LSAMP: variants seen among roughly 807,000 people sequenced by gnomAD.
LSAMP encodes limbic system-associated membrane protein.
In LSAMP, 7 loss-of-function variants were observed where a neutral mutation model predicts 38.6. The ratio of observed to expected loss-of-function variants is 0.18; its 90% CI spans 0.10 to 0.34. The LOEUF (loss-of-function observed/expected upper bound fraction) is 0.34, where lower values mean the gene tolerates loss of function less well. Among genes scored for constraint, LSAMP ranks in the 10% least tolerant of loss-of-function variants. LSAMP has a pLI of 1.00. For missense variants in LSAMP, 313 were observed against 420.0 expected (o/e 0.75, Z 2.23); for synonymous variants, 154 against 166.8 (o/e 0.92, Z 0.59).
intron 1 of LSAMP, among the ~76,000 whole-genome samples, chr3:116,397,641 G>A (rs58392287): frequency 2.0e-5 from 3 of 152,026 alleles, no homozygotes; most frequent in Non-Finnish European, 4.4e-5. Context: ...TTATTTCAAC[G>A]AATGCACAAA....
chr3:115,930,708 C>A lies in LSAMP; in HGVS notation c.515-78091G>T, dbSNP rs1320646071. On this transcript the variant is annotated intron_variant, in intron 3 of 6. Coordinates refer to ENST00000490035, the MANE Select transcript of LSAMP (RefSeq NM_002338.5). ...AACGACTTTAAAGTGCAGTAAAGCA[C>A]TTCGTTAGTGGTCAAATGCTAACCT... Among the ~76,000 whole-genome samples, 3 of 152,260 alleles carry A rather than the reference C, an allele frequency of 2.0e-5. No individual in the cohort carries two copies. The South Asian group carries it at 6.2e-4, about 32-fold the overall frequency.
chr3:116,306,849 T>A (rs539573717), intron 1 of LSAMP, among the ~76,000 whole-genome samples: 3 of 152,134 alleles, frequency 2.0e-5, no homozygotes, highest in Admixed American at 6.6e-5. Flanking sequence ...TCAGCAGGCA[T>A]GTCTCTAAAT....
intron 1 of LSAMP, among the ~76,000 whole-genome samples, chr3:116,194,355 A>C (rs7638493): frequency 6.6e-6 from 1 of 152,014 alleles, no homozygotes; most frequent in African/African-American, 2.4e-5. Context: ...ATCAAACTGC[A>C]GTACTGATGT....
chr3:116,103,832 G>C (rs1291637662), intron 1 of LSAMP, among the ~76,000 whole-genome samples: 2 of 151,992 alleles, frequency 1.3e-5, no homozygotes, highest in Non-Finnish European at 2.9e-5. Flanking sequence ...AATGATTTGA[G>C]TGCACAAAAA....
intron 1 of LSAMP, among the ~76,000 whole-genome samples, chr3:116,303,765 C>T (rs908556908): frequency 2.0e-5 from 3 of 152,246 alleles, no homozygotes; most frequent in Admixed American, 1.3e-4. Flanking sequence ...CGGGCATACT[C>T]GGAGCACAAC....
At chr3:116,299,811 C>T (rs1018245873) in intron 1 of LSAMP, among the ~76,000 whole-genome samples, 3 of 152,136 alleles carry the variant, frequency 2.0e-5, no homozygotes, top group African/African-American at 7.2e-5. Flanking sequence ...TGTGGAAAGG[C>T]TCAGAAAAAC....
chr3:115,826,385 C>G (rs1816674), intron 6 of LSAMP, among the ~76,000 whole-genome samples: 12,910 of 152,144 alleles, frequency 0.085, 668 homozygotes, highest in African/African-American at 0.14. Context: ...GGATTACAGG[C>G]ATGAGCCACC....
rs1315999497 is a variant in LSAMP at position 115,814,959 on chromosome 3, C to CT, written c.920-4546dup. On this transcript the variant is annotated intron_variant, in intron 6 of 6. Transcript: ENST00000490035. Reference sequence around the variant, plus strand: ...TTAGAAGGAAGCCTGATAAAATTGACTTTGGCGCCACCTGCTGTCCATTTT... The same window carrying CT: ...TTAGAAGGAAGCCTGATAAAATTGACTTTTGGCGCCACCTGCTGTCCATTTT... 2.0e-5 allele frequency among the ~76,000 whole-genome samples: 3 copies of CT among 152,158 alleles called. No individual in the cohort carries two copies. In the East Asian group the frequency reaches 5.8e-4, roughly 29 times the overall value.
chr3:116,342,050 CACCTAAGAGGGGATAGGGCAGACTT>C (rs775581486), intron 1 of LSAMP, among the ~76,000 whole-genome samples: 9 of 151,882 alleles, frequency 5.9e-5, no homozygotes, highest in Non-Finnish European at 1.0e-4. Context: ...CATGGGAAAG[CACCTAAGAGGGGATAGGGCAGACTT>C]AGTGTGAGGT....
chr3:116,246,380 A>C (rs2046605695), intron 1 of LSAMP, among the ~76,000 whole-genome samples: 2 of 152,184 alleles, frequency 1.3e-5, no homozygotes, highest in African/African-American at 4.8e-5. Flanking sequence ...TCTTGACACA[A>C]AATTTCAGGA....
intron 1 of LSAMP, among the ~76,000 whole-genome samples, chr3:116,434,738 G>C (rs1471651781): frequency 6.6e-6 from 1 of 152,148 alleles, no homozygotes; most frequent in Non-Finnish European, 1.5e-5. Context: ...TTTTAGTAGA[G>C]ACAGGGTGCC....
intron 1 of LSAMP, among the ~76,000 whole-genome samples, chr3:116,231,931 C>G (rs1449229789): frequency 6.6e-6 from 1 of 152,200 alleles, no homozygotes; most frequent in African/African-American, 2.4e-5. Context: ...TGGTAGATCT[C>G]TTAACTTCTG....
intron 3 of LSAMP, among the ~76,000 whole-genome samples, chr3:116,004,647 C>A (rs528327534): frequency 3.7e-4 from 56 of 151,148 alleles, no homozygotes; most frequent in Non-Finnish European, 6.8e-4. Flanking sequence ...CATGTATATA[C>A]ATATATGTAT....
chr3:116,038,053 A>C (rs1180596411), intron 2 of LSAMP, among the ~76,000 whole-genome samples: 1 of 152,112 alleles, frequency 6.6e-6, no homozygotes, highest in Admixed American at 6.6e-5. Flanking sequence ...AAGATCCAAG[A>C]GGATGGGGAC....
chr3:116,224,624 G>A (rs772994192), intron 1 of LSAMP, among the ~76,000 whole-genome samples: 1 of 152,182 alleles, frequency 6.6e-6, no homozygotes, highest in Non-Finnish European at 1.5e-5. Flanking sequence ...TCTATAAAGT[G>A]CCTATAAACA....
chr3:116,020,725 A>G (rs1182999674), intron 2 of LSAMP, among the ~76,000 whole-genome samples: 1 of 152,166 alleles, frequency 6.6e-6, no homozygotes, highest in Non-Finnish European at 1.5e-5. Flanking sequence ...ATTACTCACA[A>G]ATTTCATCAC....
chr3:116,026,729 A>C (rs1163311853), intron 2 of LSAMP, among the ~76,000 whole-genome samples: 1 of 152,152 alleles, frequency 6.6e-6, no homozygotes, highest in Non-Finnish European at 1.5e-5. Context: ...AATGGCCTCA[A>C]ATCTGTACTC....
chr3:115,921,307 G>A (rs1465773503), intron 3 of LSAMP, among the ~76,000 whole-genome samples: 1 of 151,612 alleles, frequency 6.6e-6, no homozygotes, highest in Non-Finnish European at 1.5e-5. Flanking sequence ...CATTGATCTT[G>A]TAGTGACATG....
In LSAMP at chr3:116,210,151, C is replaced by T. The variant is rs192256446; in HGVS notation, c.156-123595G>A. Among the ~76,000 whole-genome samples, 1,218 of 152,238 alleles carry T rather than the reference C, an allele frequency of 8.0e-3. 10 individuals are homozygous for T. Among genetic ancestry groups the T allele is most frequent in the Non-Finnish European group, 0.011 (745 of 68,028 alleles). On this transcript the variant is annotated intron_variant, in intron 1 of 6. Coordinates refer to ENST00000490035, the MANE Select transcript of LSAMP (RefSeq NM_002338.5). The stretch of plus-strand genomic sequence containing the variant: ...TGTGTCTCACGTTTCATTTGTGATG[C>T]TGTTGATGATGGTGATAATGATGAT...
Sources: allele counts gnomAD v4.1 joint callset (sites outside exome capture counted in the v4.1 genomes callset), GRCh38; gene constraint gnomAD v4.1.1; transcripts MANE v1.5; gene names NCBI Gene and HGNC (gene_info 2026-07-23, HGNC 2026-07-21).